The following C8orf74 variants were observed in gnomAD, a reference collection of about 807,000 sequenced individuals.
The protein encoded by C8orf74 is uncharacterized protein C8orf74.
A neutral mutation model predicts 22.2 loss-of-function variants in C8orf74; 29 were observed. The ratio of observed to expected loss-of-function variants is 1.31; its 90% CI spans 0.97 to 1.78. C8orf74 has a LOEUF of 1.78. Among genes scored for constraint, C8orf74 ranks in the 40% most tolerant of loss-of-function variants. C8orf74 has a pLI of 0.00. For synonymous variants in C8orf74, 255 were observed against 163.1 expected (o/e 1.56, Z -4.30); for missense variants, 515 against 369.9 (o/e 1.39, Z -3.22).
rs777533332 is a variant in C8orf74 at position 10,672,656 on chromosome 8, T to C, written c.-10T>C. 3 of 1,562,350 alleles carry C rather than the reference T, an allele frequency of 1.9e-6. No homozygotes were observed. The highest frequency in any genetic ancestry group is 1.9e-5 in the Admixed American group (1 of 52,566). Reference sequence around the variant, plus strand: ...CTGGCTCCGTCTCCTGGCAACCAGATGCAGGGGCCATGGCACTCTTAACAC... The same window carrying C: ...CTGGCTCCGTCTCCTGGCAACCAGACGCAGGGGCCATGGCACTCTTAACAC... On this transcript the variant is annotated 5_prime_UTR_variant, in exon 1 of 4. The change abolishes an upstream ATG in the 5' untranslated region. Coordinates refer to ENST00000304519, the MANE Select transcript of C8orf74 (RefSeq NM_001040032.2).
chr8:10,673,695 G>C (rs968935933), intron 1 of C8orf74: 2 of 153,966 alleles, frequency 1.3e-5, no homozygotes, highest in African/African-American at 4.8e-5. Context: ...CCTAGAAGAA[G>C]AGCAAGTCCC....
chr8:10,696,058 C>G (rs1163514333), intron 2 of C8orf74, among the ~76,000 whole-genome samples: 1 of 152,154 alleles, frequency 6.6e-6, no homozygotes, highest in African/African-American at 2.4e-5. Context: ...TTCTGCTGCC[C>G]TTGACTTGCC....
intron 1 of C8orf74, among the ~76,000 whole-genome samples, chr8:10,674,255 T>TCATA (rs1798979303): frequency 7.6e-6 from 1 of 131,658 alleles, no homozygotes. Context: ...AACCCTCATA[T>TCATA]CATACCCTGC....
chr8:10,697,256 T>A (rs918019243), intron 2 of C8orf74, among the ~76,000 whole-genome samples: 2 of 151,960 alleles, frequency 1.3e-5, no homozygotes, highest in African/African-American at 4.8e-5. Flanking sequence ...AAAACAGTGA[T>A]AACCTCATCT....
At chr8:10,676,472 C>T (rs771912877) in intron 2 of C8orf74, among the ~76,000 whole-genome samples, 27 of 152,170 alleles carry the variant, frequency 1.8e-4, no homozygotes, top group Non-Finnish European at 2.8e-4. Context: ...TACCAAACAG[C>T]GAGTGCTTTT....
intron 2 of C8orf74, among the ~76,000 whole-genome samples, chr8:10,678,475 A>G (rs902303487): frequency 1.3e-5 from 2 of 152,246 alleles, no homozygotes; most frequent in African/African-American, 4.8e-5. Flanking sequence ...GGGCCCTAGC[A>G]AGGACGAGGC....
At chr8:10,682,299 C>A (rs904209701) in intron 2 of C8orf74, among the ~76,000 whole-genome samples, 1 of 152,192 alleles carries the variant, frequency 6.6e-6, no homozygotes, top group Non-Finnish European at 1.5e-5. Flanking sequence ...TTGGGACAAA[C>A]GAGCAGCTCT....
chr8:10,693,953 GACA>G (rs746643194), intron 2 of C8orf74, among the ~76,000 whole-genome samples: 1 of 152,146 alleles, frequency 6.6e-6, no homozygotes, highest in Non-Finnish European at 1.5e-5. Context: ...AGGTGCCAAC[GACA>G]ACAAGCCTCA....
chr8:10,682,306 C>T (rs1157702178), intron 2 of C8orf74, among the ~76,000 whole-genome samples: 4 of 152,226 alleles, frequency 2.6e-5, no homozygotes, highest in African/African-American at 9.6e-5. Flanking sequence ...AAACGAGCAG[C>T]TCTCCTTTTG....
intron 2 of C8orf74, among the ~76,000 whole-genome samples, chr8:10,697,264 T>C (rs752381310): frequency 1.3e-5 from 2 of 151,992 alleles, no homozygotes; most frequent in African/African-American, 2.4e-5. Flanking sequence ...GATAACCTCA[T>C]CTCCACAAAA....
intron 2 of C8orf74, among the ~76,000 whole-genome samples, chr8:10,685,873 T>A (rs570156341): frequency 1.3e-5 from 2 of 152,240 alleles, no homozygotes; most frequent in East Asian, 3.9e-4. Context: ...ATTGAGACCA[T>A]CCTGGCTAAC....
intron 2 of C8orf74, chr8:10,689,066 A>C (rs911845512): frequency 6.6e-6 from 1 of 152,374 alleles, no homozygotes; most frequent in Non-Finnish European, 1.5e-5. Flanking sequence ...ACAGTGCCCC[A>C]GCCAAGCTTT....
Position 10,697,978 on chromosome 8 carries a change from G to A in C8orf74, c.621G>A (p.Ala207=), listed in dbSNP as rs1438124346. Residue 207 remains alanine (A), a synonymous_variant, in exon 3 of 4, where the codon GCG becomes GCA. Coordinates refer to ENST00000304519, the MANE Select transcript of C8orf74 (RefSeq NM_001040032.2). ...AGGCGTTCGCTGCCGCCGCGCCTGCGCAGCCCGGCCAGGTCCTGGAGAGAC... is the reference window on the plus strand; with the variant it reads ...AGGCGTTCGCTGCCGCCGCGCCTGCACAGCCCGGCCAGGTCCTGGAGAGAC... ...LQKAFAAAAP[A]QPGQVLERQE... The A allele has an allele frequency of 3.3e-6, 5 of 1,511,572 alleles. No homozygotes were observed. Among genetic ancestry groups the A allele is most frequent in the Non-Finnish European group, 3.5e-6 (4 of 1,132,746 alleles). The allele number at this position is 1,511,572 out of a possible 1,614,324, so 93.6% of individuals were successfully genotyped here.
intron 2 of C8orf74, among the ~76,000 whole-genome samples, chr8:10,680,718 C>T (rs1799130572): frequency 6.6e-6 from 1 of 152,242 alleles, no homozygotes; most frequent in African/African-American, 2.4e-5. Flanking sequence ...GCCAGCCTTG[C>T]TGCCTACCAG....
intron 2 of C8orf74, chr8:10,688,220 A>AT (rs1489073743): frequency 6.6e-6 from 1 of 151,988 alleles, no homozygotes; most frequent in African/African-American, 2.4e-5. Context: ...AAAAAAAAAA[A>AT]AGAAAAGAAA....
At chr8:10,696,725 G>A (rs1316381656) in intron 2 of C8orf74, among the ~76,000 whole-genome samples, 2 of 151,932 alleles carry the variant, frequency 1.3e-5, no homozygotes, top group Admixed American at 6.6e-5. Context: ...TGGGATTACA[G>A]GTGTGAGCCA....
intron 2 of C8orf74, among the ~76,000 whole-genome samples, chr8:10,695,267 G>C (rs950917089): frequency 2.0e-5 from 3 of 152,102 alleles, no homozygotes; most frequent in African/African-American, 7.2e-5. Context: ...TTTTACATTT[G>C]AGAGAAAAAG....
intron 3 of C8orf74, among the ~76,000 whole-genome samples, chr8:10,698,349 C>G (rs537382159): frequency 6.6e-6 from 1 of 151,992 alleles, no homozygotes; most frequent in African/African-American, 2.4e-5. Context: ...CCAAGAGAGG[C>G]AGGAAAAAGA....
rs139366975 is a variant in C8orf74 at position 10,687,549 on chromosome 8, T to A, written c.242-10050T>A. Among the ~76,000 whole-genome samples, 907 of 145,812 alleles carry A rather than the reference T, an allele frequency of 6.2e-3. 6 individuals carry two copies. The highest frequency in any genetic ancestry group is 0.022 in the African/African-American group (868 of 38,822). ...ATCGCTTGAATCTGGGAGGCGGAGG[T>A]TGCAGTCAGCTGAGTAAGATCGCTC... On this transcript the variant is annotated intron_variant, in intron 2 of 3. Transcript: ENST00000304519.
Sources: gnomAD v4.1 joint callset for allele counts (sites outside exome capture counted in the v4.1 genomes callset) on GRCh38, gnomAD v4.1.1 for gene constraint, MANE v1.5 for transcripts, NCBI Gene and HGNC (gene_info 2026-07-23, HGNC 2026-07-21) for gene names.